The following CNTN5 variants were observed in gnomAD, a reference collection of about 807,000 sequenced individuals.
CNTN5 encodes contactin 5.
Under a neutral mutation model 129.1 loss-of-function variants are expected in CNTN5, and 77 were observed. The observed-to-expected ratio is 0.60, with a 90% confidence interval of 0.50 to 0.72. The LOEUF is 0.72. Ranked by LOEUF, CNTN5 falls within the 30% of genes least tolerant of loss-of-function variation. The pLI is 0.00. For synonymous variants in CNTN5, 509 were observed against 465.6 expected, an observed-to-expected ratio of 1.09 and a Z score of -1.20; for missense variants, 1,478 against 1,328.8, an observed-to-expected ratio of 1.11 and a Z score of -1.75.
chr11:99,944,228 A>T (rs1045287272), intron 7 of CNTN5, among the ~76,000 whole-genome samples: 1 of 152,072 alleles, frequency 6.6e-6, no homozygotes, highest in African/African-American at 2.4e-5. Context: ...AAAGCAGGAA[A>T]GATCTAAAAT....
chr11:99,095,263 T>C (rs1211641183), intron 1 of CNTN5, among the ~76,000 whole-genome samples: 2 of 151,960 alleles, frequency 1.3e-5, no homozygotes, highest in Non-Finnish European at 2.9e-5. Flanking sequence ...ACCTAATGCA[T>C]AGTTGTCATG....
At chr11:99,816,069 A>G (rs1946576493) in intron 3 of CNTN5, among the ~76,000 whole-genome samples, 1 of 152,092 alleles carries the variant, frequency 6.6e-6, no homozygotes, top group Non-Finnish European at 1.5e-5. Flanking sequence ...CCCAATTTAA[A>G]TTCAACTATT....
intron 9 of CNTN5, among the ~76,000 whole-genome samples, chr11:100,050,888 A>G (rs1337071071): frequency 1.3e-5 from 2 of 152,128 alleles, no homozygotes; most frequent in Non-Finnish European, 2.9e-5. Context: ...TCAAGAAGAC[A>G]TTCAAATCCA....
chr11:99,766,365 A>G (rs1944754861), intron 3 of CNTN5, among the ~76,000 whole-genome samples: 2 of 152,012 alleles, frequency 1.3e-5, no homozygotes, highest in South Asian at 4.1e-4. Context: ...TAATGGAGCA[A>G]GATAGAAAGT....
chr11:99,042,676 C>T (rs1864049668), intron 1 of CNTN5, among the ~76,000 whole-genome samples: 1 of 152,032 alleles, frequency 6.6e-6, no homozygotes, highest in Admixed American at 6.6e-5. Flanking sequence ...CGCCCGGCCA[C>T]CTCCCTTCTT....
At chr11:99,888,266 T>C (rs937749981) in intron 6 of CNTN5, among the ~76,000 whole-genome samples, 1 of 152,232 alleles carries the variant, frequency 6.6e-6, no homozygotes, top group Non-Finnish European at 1.5e-5. Context: ...ACAGCCACAG[T>C]GCAAGCAAGT....
At chr11:99,596,549 T>C (rs1357250872) in intron 3 of CNTN5, among the ~76,000 whole-genome samples, 1 of 152,146 alleles carries the variant, frequency 6.6e-6, no homozygotes, top group Non-Finnish European at 1.5e-5. Context: ...CATAAAGAAG[T>C]CTGAAGCAAA....
At chr11:99,028,660 T>G (rs963158313) in intron 1 of CNTN5, among the ~76,000 whole-genome samples, 1 of 151,832 alleles carries the variant, frequency 6.6e-6, no homozygotes, top group African/African-American at 2.4e-5. Flanking sequence ...GTTGCTAACT[T>G]TAATATCTCA....
At chr11:100,355,904 A>T (rs556374120) in intron 24 of CNTN5, among the ~76,000 whole-genome samples, 16 of 151,860 alleles carry the variant, frequency 1.1e-4, no homozygotes, top group African/African-American at 3.9e-4. Flanking sequence ...TAGACATGAC[A>T]TCACCTTTTC....
At chr11:99,778,420 C>G (rs77100188) in intron 3 of CNTN5, among the ~76,000 whole-genome samples, 1 of 151,774 alleles carries the variant, frequency 6.6e-6, no homozygotes, top group African/African-American at 2.4e-5. Flanking sequence ...GAGTATCTAA[C>G]AGGATTTTCT....
Position 99,844,952 on chromosome 11 carries a change from T to G in CNTN5, c.378T>G (p.Arg126=). ...EKKVALNCEV[R]GNPVPSYRWL... ...AGGTAGCATTGAATTGTGAAGTTCG[T>G]GGCAATCCAGTTCCCAGTTACAGGT... The change falls in exon 5 of 25, where the codon CGT becomes CGG. Residue 126 remains arginine, a synonymous_variant. Transcript: ENST00000524871. The G allele has an allele frequency of 6.2e-7, 1 of 1,613,612 alleles. No individual in the cohort carries two copies. Among genetic ancestry groups the G allele is most frequent in the East Asian group, 2.2e-5 (1 of 44,840 alleles).
intron 2 of CNTN5, among the ~76,000 whole-genome samples, chr11:99,415,530 G>A (rs528410981): frequency 2.0e-5 from 3 of 152,250 alleles, no homozygotes; most frequent in Non-Finnish European, 4.4e-5. Flanking sequence ...AAAAGAGGGG[G>A]AAAGTTAAAG....
intron 2 of CNTN5, among the ~76,000 whole-genome samples, chr11:99,521,016 A>G (rs563272782): frequency 8.5e-4 from 129 of 152,232 alleles, no homozygotes; most frequent in African/African-American, 2.9e-3. Context: ...TATCCTTTAA[A>G]TCTCATCACA....
chr11:99,644,248 G>C (rs148487168), intron 3 of CNTN5, among the ~76,000 whole-genome samples: 66 of 152,184 alleles, frequency 4.3e-4, no homozygotes, highest in African/African-American at 1.5e-3. Flanking sequence ...TTTTTCCTTT[G>C]CTCGTTTTGC....
intron 3 of CNTN5, among the ~76,000 whole-genome samples, chr11:99,708,285 T>A (rs1381363804): frequency 6.6e-6 from 1 of 151,780 alleles, no homozygotes; most frequent in Non-Finnish European, 1.5e-5. Flanking sequence ...TGCTTTCTGT[T>A]GAGTTGCTAT....
chr11:100,031,665 T>C (rs1370998665), intron 9 of CNTN5, among the ~76,000 whole-genome samples: 2 of 152,242 alleles, frequency 1.3e-5, no homozygotes, highest in Non-Finnish European at 2.9e-5. Context: ...TGCTGATTAA[T>C]ATCTTGCTAA....
intron 13 of CNTN5, among the ~76,000 whole-genome samples, chr11:100,137,540 A>C (rs1946565733): frequency 6.6e-6 from 1 of 152,132 alleles, no homozygotes. Context: ...CTGATTAAAT[A>C]GCTATCTCAA....
intron 13 of CNTN5, among the ~76,000 whole-genome samples, chr11:100,154,478 A>AACAT (rs1459169682): frequency 2.6e-5 from 4 of 152,160 alleles, no homozygotes; most frequent in Admixed American, 2.0e-4. Context: ...TGCCACAATA[A>AACAT]ACATACATGT....
At chr11:99,674,310 T>TTA (rs59325435) in intron 3 of CNTN5, among the ~76,000 whole-genome samples, 4 of 151,590 alleles carry the variant, frequency 2.6e-5, no homozygotes, top group Admixed American at 2.0e-4. Context: ...GGTTTTTTTT[T>TTA]CTTGTAAACA....
Sources: allele counts gnomAD v4.1 joint callset (sites outside exome capture counted in the v4.1 genomes callset), GRCh38; gene constraint gnomAD v4.1.1; transcripts MANE v1.5; gene names NCBI Gene and HGNC (gene_info 2026-07-23, HGNC 2026-07-21).